The following COBL variants were observed in gnomAD, a reference collection of about 807,000 sequenced individuals.
COBL encodes the protein protein cordon-bleu.
COBL carries 51 observed loss-of-function variants against 98.8 expected under a neutral mutation model. The observed-to-expected ratio is 0.52, with a 90% CI of 0.41 to 0.65. The LOEUF (loss-of-function observed/expected upper bound fraction) is 0.65. Ranked by LOEUF, COBL falls within the 30% of genes least tolerant of loss-of-function variation. The pLI, the probability that COBL is intolerant of heterozygous loss-of-function variation, is 0.00. For synonymous variants in COBL, 634 were observed against 651.7 expected, an observed-to-expected ratio of 0.97 and a Z score of 0.41; for missense variants, 1,617 against 1,617.5, an observed-to-expected ratio of 1.00 and a Z score of 0.01.
intron 2 of COBL, among the ~76,000 whole-genome samples, chr7:51,218,163 C>T (rs1386294742): frequency 6.6e-6 from 1 of 152,308 alleles, no homozygotes. Context: ...TCCGAGGCCT[C>T]GAGCAATGCT....
At chr7:51,300,144 TTTG>T (rs1319163064) in intron 1 of COBL, among the ~76,000 whole-genome samples, 1 of 28,012 alleles carries the variant, frequency 3.6e-5, no homozygotes, top group East Asian at 7.3e-4. Context: ...GCTTTTCTGT[TTTG>T]TTTTGTTTTG....
At chr7:51,041,436 C>T (rs79525538) in intron 8 of COBL, among the ~76,000 whole-genome samples, 2,241 of 144,576 alleles carry the variant, frequency 0.016, 45 homozygotes, top group African/African-American at 0.054. Context: ...TGGTGACTGG[C>T]TTATGAACTA....
At chr7:51,189,641 T>TA (rs998716511) in intron 4 of COBL, among the ~76,000 whole-genome samples, 12 of 143,956 alleles carry the variant, frequency 8.3e-5, no homozygotes, top group Non-Finnish European at 1.2e-4. Context: ...TCTCAAAAAA[T>TA]AAAAAAAAGA....
At chr7:51,172,772 TTTTTCTTTC>T (rs1190555565) in intron 5 of COBL, among the ~76,000 whole-genome samples, 1 of 152,158 alleles carries the variant, frequency 6.6e-6, no homozygotes, top group East Asian at 1.9e-4. Flanking sequence ...TTTCTTTCTT[TTTTTCTTTC>T]TTTTCTTTCT....
At chr7:51,170,713 T>C (rs1027104916) in intron 5 of COBL, among the ~76,000 whole-genome samples, 4 of 151,960 alleles carry the variant, frequency 2.6e-5, no homozygotes, top group Non-Finnish European at 4.4e-5. Flanking sequence ...TGCTCCCATA[T>C]GTGGAATCTA....
rs535138853 is a variant in COBL at position 51,106,074 on chromosome 7, C to T, written c.958-20770G>A. On this transcript the variant is annotated intron_variant, in intron 6 of 12. Transcript: ENST00000265136. ...AAAAAAATTGTCGGGGGTGGTGGCA[C>T]GCACCTGTAATCCCAGCTACTCAGG... is the stretch of plus-strand genomic sequence containing the variant. 3.3e-5 allele frequency among the ~76,000 whole-genome samples: 5 copies of T among 149,302 alleles called. No individual in the cohort carries two copies. In the East Asian group the frequency reaches 8.0e-4, roughly 24 times the overall value.
chr7:51,044,997 C>T (rs554903736), intron 7 of COBL, among the ~76,000 whole-genome samples: 3 of 152,288 alleles, frequency 2.0e-5, no homozygotes, highest in Admixed American at 6.5e-5. Context: ...GCAGTGTAAA[C>T]GTACGAGGAG....
At chr7:51,099,209 A>T (rs4948188) in intron 6 of COBL, among the ~76,000 whole-genome samples, 143,477 of 152,258 alleles carry the variant, frequency 0.94, 67,799 homozygotes, top group African/African-American at 0.97. Flanking sequence ...AGTATAAAGT[A>T]CCTCAAAAAA....
intron 7 of COBL, among the ~76,000 whole-genome samples, chr7:51,080,605 G>A (rs1031789405): frequency 1.1e-4 from 17 of 152,190 alleles, no homozygotes; most frequent in Admixed American, 3.3e-4. Context: ...CTGGTGGACC[G>A]GCTGGGCCTC....
chr7:51,311,560 C>T (rs1311806256), intron 1 of COBL, among the ~76,000 whole-genome samples: 1 of 152,114 alleles, frequency 6.6e-6, no homozygotes, highest in Non-Finnish European at 1.5e-5. Context: ...TAATTCTATT[C>T]CAGCAAGAGA....
At chr7:51,186,658 T>A (rs1426728623) in intron 4 of COBL, among the ~76,000 whole-genome samples, 1 of 152,210 alleles carries the variant, frequency 6.6e-6, no homozygotes, top group Non-Finnish European at 1.5e-5. Context: ...AGCTACAGCC[T>A]GCAGCTGTCT....
chr7:51,089,680 G>A (rs964813598), intron 6 of COBL, among the ~76,000 whole-genome samples: 1 of 152,142 alleles, frequency 6.6e-6, no homozygotes, highest in African/African-American at 2.4e-5. Context: ...ATATTTTCCT[G>A]TAATTTTTCA....
intron 1 of COBL, among the ~76,000 whole-genome samples, chr7:51,222,133 G>GA (rs1247325725): frequency 6.6e-6 from 1 of 152,114 alleles, no homozygotes; most frequent in Non-Finnish European, 1.5e-5. Flanking sequence ...AGGTTGCAGT[G>GA]AGCCGAGATC....
intron 6 of COBL, among the ~76,000 whole-genome samples, chr7:51,135,459 A>G (rs1799143913): frequency 1.3e-5 from 2 of 152,068 alleles, no homozygotes; most frequent in African/African-American, 2.4e-5. Flanking sequence ...AAATAGATGG[A>G]CAGACGGACA....
chr7:51,083,188 A>G (rs1793853194), intron 7 of COBL: 2 of 1,480,656 alleles, frequency 1.4e-6, no homozygotes, highest in East Asian at 2.5e-5. Flanking sequence ...GACCCCGAGC[A>G]GTGCCTCTGG....
intron 2 of COBL, among the ~76,000 whole-genome samples, chr7:51,195,452 G>T: frequency 6.6e-6 from 1 of 152,086 alleles, no homozygotes. Flanking sequence ...GTAGCATGAT[G>T]CCTCCAGCTT....
chr7:51,111,323 G>A (rs1796804382), intron 6 of COBL, among the ~76,000 whole-genome samples: 2 of 151,620 alleles, frequency 1.3e-5, no homozygotes, highest in African/African-American at 4.8e-5. Flanking sequence ...CCATATCCTT[G>A]CCAGCATTTG....
chr7:51,237,139 G>T (rs1261885173), intron 1 of COBL, among the ~76,000 whole-genome samples: 3 of 152,194 alleles, frequency 2.0e-5, no homozygotes, highest in Non-Finnish European at 4.4e-5. Context: ...TCCTCAATGT[G>T]CATGAGTTCA....
chr7:51,079,813 G>C (rs912579613), intron 7 of COBL, among the ~76,000 whole-genome samples: 2 of 152,236 alleles, frequency 1.3e-5, no homozygotes, highest in Non-Finnish European at 2.9e-5. Flanking sequence ...CCCGGGGAAG[G>C]TGGTTGCTCC....
Sources: gnomAD v4.1 joint callset for allele counts (sites outside exome capture counted in the v4.1 genomes callset) on GRCh38, gnomAD v4.1.1 for gene constraint, MANE v1.5 for transcripts, NCBI Gene and HGNC (gene_info 2026-07-23, HGNC 2026-07-21) for gene names.